Variants in ZNF578 observed in about 807,000 individuals in gnomAD.
The protein encoded by ZNF578 is Putative chemokine-related protein B42.
ZNF578 carries 8 observed loss-of-function variants against 8.3 expected under a neutral mutation model. The ratio of observed to expected loss-of-function variants is 0.96; its 90% CI spans 0.56 to 1.74. ZNF578 has a LOEUF of 1.74. Ranked by LOEUF, ZNF578 falls within the 40% of genes most tolerant of loss-of-function variation. The pLI, the probability that ZNF578 is intolerant of heterozygous loss-of-function variation, is 0.00. For synonymous variants in ZNF578, 206 were observed against 232.2 expected (o/e 0.89, Z 1.03); for missense variants, 726 against 707.5 (o/e 1.03, Z -0.30).
At chr19:52,466,975 C>T (rs962664149) in intron 2 of ZNF578, among the ~76,000 whole-genome samples, 1 of 151,658 alleles carries the variant, frequency 6.6e-6, no homozygotes, top group South Asian at 2.1e-4. Flanking sequence ...TATCCTTGAA[C>T]TCATTTCACG....
chr19:52,457,128 G>C (rs2059242143), intron 2 of ZNF578, 170 bp downstream of exon 2: 1 of 152,646 alleles, frequency 6.6e-6, no homozygotes, highest in Admixed American at 6.6e-5. Flanking sequence ...TCAGGGGTAG[G>C]CCTCTGACCT....
chr19:52,462,635 C>T (rs2059262525), intron 2 of ZNF578, among the ~76,000 whole-genome samples: 1 of 152,198 alleles, frequency 6.6e-6, no homozygotes, highest in South Asian at 2.1e-4. Context: ...CTTCTGCAAG[C>T]TGGGTCAGCC....
At chr19:52,461,890 C>T (rs2059259173) in intron 2 of ZNF578, among the ~76,000 whole-genome samples, 1 of 152,082 alleles carries the variant, frequency 6.6e-6, no homozygotes. Flanking sequence ...TGGATGTGGT[C>T]CGGCTGTACC....
chr19:52,510,811 C>T lies in ZNF578; in HGVS notation c.430C>T (p.Gln144Ter). 1 of 1,614,178 alleles carries T rather than the reference C, an allele frequency of 6.2e-7. No individual in the cohort carries two copies. The highest frequency in any genetic ancestry group is 8.5e-7 in the Non-Finnish European group (1 of 1,180,012). Reference protein sequence around the residue: ...ELMGSTDRHDQRHAGNKPIKD... With the variant: ...ELMGSTDRHD ...GATGGGTAGCACAGACCGACATGAT[C>T]AAAGGCATGCTGGAAACAAGCCTAT... Residue 144 changes from glutamine to a stop codon, truncating the protein, a stop_gained, in exon 6 of 6, where the codon CAA (glutamine) becomes TAA (stop). Transcript: ENST00000421239. LOFTEE classifies it low-confidence loss of function (END_TRUNC).
At chr19:52,494,663 C>T (rs906937303) in intron 3 of ZNF578, among the ~76,000 whole-genome samples, 1 of 152,122 alleles carries the variant, frequency 6.6e-6, no homozygotes, top group Non-Finnish European at 1.5e-5. Flanking sequence ...CATGTACATT[C>T]TATAAATCTT....
chr19:52,487,181 A>G (rs1286681238), intron 2 of ZNF578, among the ~76,000 whole-genome samples: 1 of 151,734 alleles, frequency 6.6e-6, no homozygotes, highest in Admixed American at 6.6e-5. Context: ...CAAAAAAAAA[A>G]TAATAATAAT....
intron 2 of ZNF578, among the ~76,000 whole-genome samples, chr19:52,469,285 C>T (rs2059284865): frequency 6.6e-6 from 1 of 151,806 alleles, no homozygotes; most frequent in African/African-American, 2.4e-5. Flanking sequence ...CTCAGCTCCC[C>T]AGGCAGCTGG....
chr19:52,478,957 G>C (rs2059316493), intron 2 of ZNF578, among the ~76,000 whole-genome samples: 1 of 151,504 alleles, frequency 6.6e-6, no homozygotes, highest in South Asian at 2.1e-4. Flanking sequence ...CAGGTGATCT[G>C]CCCGCCTCAG....
chr19:52,474,248 C>T (rs1004395325), intron 2 of ZNF578: 3 of 309,070 alleles, frequency 9.7e-6, no homozygotes, highest in African/African-American at 4.4e-5. Context: ...ACACTTCTCT[C>T]CAGTATGAAT....
Position 52,511,357 on chromosome 19 carries a change from T to C in ZNF578, c.976T>C (p.Tyr326His). 1 of 1,613,672 alleles carries C rather than the reference T, an allele frequency of 6.2e-7. No individual in the cohort carries two copies. Among genetic ancestry groups the C allele is most frequent in the South Asian group, 1.1e-5 (1 of 91,052 alleles). Residue 326 changes from tyrosine (Y) to histidine (H), a missense_variant, in exon 6 of 6, where the codon TAC becomes CAC. Coordinates refer to ENST00000421239, the MANE Select transcript of ZNF578 (RefSeq NM_001099694.2). ...TAATGAATGTGGAAAGTCCTTCAGT[T>C]ACAAGTCATCCCTTACATGCCATCA... ...KCNECGKSFSYKSSLTCHHRC... is the reference protein window; with the variant it reads ...KCNECGKSFSHKSSLTCHHRC...
chr19:52,483,491 C>G (rs2059334506), intron 2 of ZNF578, among the ~76,000 whole-genome samples: 1 of 152,170 alleles, frequency 6.6e-6, no homozygotes, highest in Non-Finnish European at 1.5e-5. Context: ...TGACCAAATT[C>G]TCTCACAGGC....
intron 2 of ZNF578, among the ~76,000 whole-genome samples, chr19:52,490,559 A>T (rs2059361749): frequency 6.6e-6 from 1 of 152,212 alleles, no homozygotes; most frequent in Non-Finnish European, 1.5e-5. Flanking sequence ...GACACACTGC[A>T]CTAGTTAAAT....
chr19:52,477,277 G>C (rs2059311087), intron 2 of ZNF578, among the ~76,000 whole-genome samples: 1 of 152,120 alleles, frequency 6.6e-6, no homozygotes, highest in South Asian at 2.1e-4. Context: ...GGTGTTCCTG[G>C]GGTGAGGGAA....
chr19:52,493,384 T>A (rs1053512279), intron 3 of ZNF578, among the ~76,000 whole-genome samples: 1 of 152,168 alleles, frequency 6.6e-6, no homozygotes, highest in Non-Finnish European at 1.5e-5. Context: ...GAACCAGCAT[T>A]GGGCAGGTCC....
At chr19:52,477,581 A>G (rs1389555571) in intron 2 of ZNF578, among the ~76,000 whole-genome samples, 3 of 145,500 alleles carry the variant, frequency 2.1e-5, no homozygotes, top group Admixed American at 2.0e-4. Context: ...CAGTTATAAC[A>G]TTTTCCCATT....
At chr19:52,483,780 T>G (rs112953766) in intron 2 of ZNF578, among the ~76,000 whole-genome samples, 6 of 152,226 alleles carry the variant, frequency 3.9e-5, no homozygotes, top group African/African-American at 1.2e-4. Flanking sequence ...GACATCATAA[T>G]TGCACCCTCC....
rs1201717897 is a variant in ZNF578, at chr19:52,513,350, T to C, written c.*1196T>C. Among the ~76,000 whole-genome samples, 89 of 115,550 alleles carry C rather than the reference T, an allele frequency of 7.7e-4. No homozygotes were observed. The highest frequency in any genetic ancestry group is 4.5e-3 in the Middle Eastern group (1 of 224). The allele number at this position is 115,550 out of a possible 152,430, so 75.8% of individuals were successfully genotyped here. A position where few individuals can be genotyped will look rare whatever the true frequency, so the allele number is the denominator to read the frequency against. ...TTTCTTCTTTTCCTTTTTTTTTTTT[T>C]TTTTTTTTTTTGAGATAGTACTTTT... is the stretch of plus-strand genomic sequence containing the variant. On this transcript the variant is annotated 3_prime_UTR_variant, in exon 6 of 6. Transcript: ENST00000421239.
intron 5 of ZNF578, 138 bp from the exon 6 acceptor site, chr19:52,510,434 A>T: frequency 8.5e-7 from 1 of 1,180,562 alleles, no homozygotes; most frequent in Non-Finnish European, 1.1e-6. Flanking sequence ...GAATCTTACT[A>T]CTTTTGTGTT....
At chr19:52,490,516 A>G (rs1246631276) in intron 2 of ZNF578, among the ~76,000 whole-genome samples, 1 of 152,210 alleles carries the variant, frequency 6.6e-6, no homozygotes, top group African/African-American at 2.4e-5. Context: ...GATTTCACAT[A>G]TGGCTTTTCA....
Sources: gnomAD v4.1 joint callset for allele counts (sites outside exome capture counted in the v4.1 genomes callset) on GRCh38, gnomAD v4.1.1 for gene constraint, MANE v1.5 for transcripts, NCBI Gene and HGNC (gene_info 2026-07-23, HGNC 2026-07-21) for gene names.